CCDC33: variants seen among roughly 807,000 people sequenced by gnomAD.
CCDC33 encodes coiled-coil domain containing 33.
CCDC33 carries 94 observed loss-of-function variants against 91.9 expected under a neutral mutation model. That is an observed-to-expected ratio of 1.02 (90% CI 0.87 to 1.21). CCDC33 has a LOEUF of 1.21. CCDC33 is among the 50% of genes most tolerant of loss of function. The pLI is 0.00. For synonymous variants in CCDC33, 396 were observed against 374.5 expected, an observed-to-expected ratio of 1.06 and a Z score of -0.66; for missense variants, 940 against 935.5, an observed-to-expected ratio of 1.00 and a Z score of -0.06.
chr15:74,272,472 A>T (rs1434455818), intron 6 of CCDC33, among the ~76,000 whole-genome samples: 5 of 152,246 alleles, frequency 3.3e-5, no homozygotes, highest in African/African-American at 1.2e-4. Context: ...CCTGGGAGTC[A>T]GGGTCTGTCT....
chr15:74,205,002 C>A (rs966868249), intron 1 of CCDC33, among the ~76,000 whole-genome samples: 8 of 152,132 alleles, frequency 5.3e-5, no homozygotes, highest in Non-Finnish European at 7.3e-5. Context: ...CTCTGCCTTC[C>A]CCAGGCTGGT....
rs931172535 is a variant in CCDC33 at position 74,236,708 on chromosome 15, G to A, written c.-12G>A. The A allele has an allele frequency of 6.2e-7, 1 of 1,613,564 alleles. No homozygotes were observed. Among genetic ancestry groups the A allele is most frequent in the Non-Finnish European group, 8.5e-7 (1 of 1,179,694 alleles). On this transcript the variant is annotated 5_prime_UTR_variant, in exon 1 of 19. Transcript: ENST00000398814. ...TTGTTAAACAAGGCCAGACACTCCT[G>A]GCCTCAAGAGGATGGGACTGAAAAA...
At chr15:74,300,139 C>T (rs1244978371) in intron 11 of CCDC33, 2 of 152,240 alleles carry the variant, frequency 1.3e-5, no homozygotes, top group African/African-American at 4.8e-5. Context: ...CAATGGGTCA[C>T]TCTTCCATAG....
In CCDC33 at chr15:74,281,830, T is replaced by G; in HGVS notation, c.1076T>G (p.Phe359Cys). Reference protein sequence around the residue: ...NDEAPTVALSFQLLSSERPEN... With the variant: ...NDEAPTVALSCQLLSSERPEN... ...GAGGCCCCCACAGTGGCTCTCTCCT[T>G]CCAGCTGCTTTCCTCTGAGGTAAGG... Residue 359 changes from phenylalanine to cysteine, a missense_variant, in exon 10 of 19, where the codon TTC becomes TGC. Transcript: ENST00000398814. 6.2e-7 allele frequency: 1 copy of G among 1,614,056 alleles called. No individual in the cohort carries two copies. The highest frequency in any genetic ancestry group is 8.5e-7 in the Non-Finnish European group (1 of 1,179,954).
At chr15:74,241,042 G>A (rs2075331783) in intron 1 of CCDC33, among the ~76,000 whole-genome samples, 1 of 152,178 alleles carries the variant, frequency 6.6e-6, no homozygotes, top group African/African-American at 2.4e-5. Context: ...AGGAGGGCAG[G>A]GAACAGCACT....
chr15:74,266,588 C>A, intron 3 of CCDC33, 90 bp from the exon 4 acceptor site: 1 of 921,578 alleles, frequency 1.1e-6, no homozygotes, highest in Non-Finnish European at 1.8e-6. Context: ...CTACTCTCAA[C>A]AATGTCTCTC....
rs754436063 is a variant in CCDC33, at chr15:74,331,082, G to T, written c.1647G>T (p.Ala549=). The T allele has an allele frequency of 8.7e-6, 14 of 1,613,598 alleles. No individual in the cohort carries two copies. Among genetic ancestry groups the T allele is most frequent in the Non-Finnish European group, 1.2e-5 (14 of 1,179,730 alleles). Residue 549 remains alanine (A), a synonymous_variant, in exon 14 of 19, where the codon GCG becomes GCT. Transcript: ENST00000398814. ...QYQGKLQKMK[A]LEETVRHQEK... ...AGGGCAAGCTGCAGAAGATGAAGGC[G>T]CTGGAGGAGACTGTGCGGCACCAAG...
At position 74,218,403 on chromosome 15, in the gene CCDC33, C is replaced by T; in HGVS notation, c.311-94C>T. On this transcript the variant is annotated intron_variant, in intron 1 of 2. Coordinates refer to the CCDC33 transcript ENST00000635913. The surrounding 1 kb of genome is among the most constrained non-coding windows in gnomAD (Gnocchi z 4.8). ...GGCTTTGACTCAAAGTCTGGGCAGC[C>T]CAGGTTTCCCCAGGGCCCTGCCTGT... 1 of 1,184,246 alleles carries T rather than the reference C, an allele frequency of 8.4e-7. No homozygotes were observed. Among genetic ancestry groups the T allele is most frequent in the East Asian group, 5.8e-5 (1 of 17,116 alleles). 73.4% of individuals were successfully genotyped at this position (1,184,246 alleles called of 1,614,324 possible).
At chr15:74,215,954 G>A (rs1307893269), upstream of CCDC33, among the ~76,000 whole-genome samples, 1 of 152,122 alleles carries the variant, frequency 6.6e-6, no homozygotes, top group Non-Finnish European at 1.5e-5. Flanking sequence ...CAAGGGGTAT[G>A]TGGGAAGTAT....
intron 11 of CCDC33, among the ~76,000 whole-genome samples, chr15:74,319,054 G>A (rs1035428074): frequency 6.6e-5 from 10 of 152,218 alleles, no homozygotes; most frequent in East Asian, 1.9e-4. Flanking sequence ...GTGTGGTGCC[G>A]AGCTGTGAGG....
At chr15:74,296,389 C>T (rs559189523) in intron 11 of CCDC33, among the ~76,000 whole-genome samples, 102 of 152,252 alleles carry the variant, frequency 6.7e-4, no homozygotes, top group African/African-American at 2.4e-3. Flanking sequence ...CTTTGGGAGG[C>T]CAAGGCGGGC....
intron 1 of CCDC33, among the ~76,000 whole-genome samples, chr15:74,239,479 G>T (rs1327892877): frequency 6.6e-6 from 1 of 152,192 alleles, no homozygotes; most frequent in African/African-American, 2.4e-5. Flanking sequence ...TGAGGGCAAG[G>T]CTGCCTGTCT....
At position 74,271,723 on chromosome 15, in the gene CCDC33, C is replaced by T. The variant is rs780750355; in HGVS notation, c.567C>T (p.Asn189=). 2.3e-5 allele frequency: 37 copies of T among 1,613,402 alleles called. No individual in the cohort carries two copies. Among genetic ancestry groups the T allele is most frequent in the African/African-American group, 8.0e-5 (6 of 74,908 alleles). Residue 189 remains asparagine, a synonymous_variant, in exon 6 of 19, where the codon AAC becomes AAT. Coordinates refer to ENST00000398814, the MANE Select transcript of CCDC33 (RefSeq NM_025055.5). The stretch of plus-strand genomic sequence containing the variant: ...TCCAGATCTTTCTCCGGGGAGTCAA[C>T]GAGCCCCTGGCCAACAACCCCAACC... ...MALEIFLRGV[N]EPLANNPNPI... is the part of the protein sequence containing the mutation.
chr15:74,260,329 A>C (rs922243584), intron 2 of CCDC33, among the ~76,000 whole-genome samples: 13 of 152,238 alleles, frequency 8.5e-5, no homozygotes, highest in African/African-American at 3.1e-4. Context: ...GGGTGTGAGG[A>C]GTCCATTCTG....
At chr15:74,221,359 A>C in intron 2 of CCDC33, 12 of 960,062 alleles carry the variant, frequency 1.2e-5, no homozygotes, top group Admixed American at 6.2e-5. Context: ...GACAAGGCTC[A>C]GTGTGAGACC....
chr15:74,298,074 G>A (rs1202418640), intron 11 of CCDC33, among the ~76,000 whole-genome samples: 1 of 152,262 alleles, frequency 6.6e-6, no homozygotes, highest in Non-Finnish European at 1.5e-5. Context: ...GGCATGGCAG[G>A]CAGTCCTTCG....
chr15:74,295,727 AAGTTTCT>A lies in CCDC33; in HGVS notation c.1096-26_1096-20del, dbSNP rs766824758. 6.3e-7 allele frequency: 1 copy of A among 1,591,870 alleles called. No homozygotes were observed. The highest frequency in any genetic ancestry group is 1.7e-5 in the Admixed American group (1 of 58,074). On this transcript the variant is annotated intron_variant, in intron 10 of 18. Coordinates refer to ENST00000398814, the MANE Select transcript of CCDC33 (RefSeq NM_025055.5). ...GGGCACAGAGAAGGGGCCTGTCCTG[AAGTTTCT>A]CTGCACCTTCTCTTCTCAGAGACCA...
upstream of CCDC33, among the ~76,000 whole-genome samples, chr15:74,232,789 C>T (rs1364878347): frequency 6.6e-6 from 1 of 152,152 alleles, no homozygotes; most frequent in African/African-American, 2.4e-5. Flanking sequence ...ACAGTGAAGT[C>T]CCCCAGACGT....
intron 1 of CCDC33, among the ~76,000 whole-genome samples, chr15:74,204,445 A>C (rs2074209920): frequency 6.6e-6 from 1 of 152,228 alleles, no homozygotes; most frequent in Non-Finnish European, 1.5e-5. Flanking sequence ...TGGGCTTCCC[A>C]GAGTCCCCGT....
Sources: allele counts gnomAD v4.1 joint callset (sites outside exome capture counted in the v4.1 genomes callset), GRCh38; gene constraint gnomAD v4.1.1; non-coding constraint Gnocchi (gnomAD v3.1); transcripts MANE v1.5; gene names NCBI Gene and HGNC (gene_info 2026-07-23, HGNC 2026-07-21).